The following FSTL5 variants were observed in gnomAD, a reference collection of about 807,000 sequenced individuals.
FSTL5 encodes the protein follistatin-related protein 5.
Under a neutral mutation model 89.1 loss-of-function variants are expected in FSTL5, and 62 were observed. The observed-to-expected ratio is 0.70, with a 90% confidence interval of 0.57 to 0.86. FSTL5 has a LOEUF of 0.86. Among genes scored for constraint, FSTL5 ranks in the 40% least tolerant of loss-of-function variants. The pLI is 0.00. For missense variants in FSTL5, 1,057 were observed against 1,001.6 expected (o/e 1.06, Z -0.75); for synonymous variants, 383 against 346.2 (o/e 1.11, Z -1.18).
intron 13 of FSTL5, among the ~76,000 whole-genome samples, chr4:161,463,497 A>T (rs544496375): frequency 6.6e-6 from 1 of 152,332 alleles, no homozygotes; most frequent in East Asian, 1.9e-4. Context: ...CCAAATGACT[A>T]TCTTCAGGAT....
At chr4:161,655,571 C>T (rs1736487296) in intron 7 of FSTL5, among the ~76,000 whole-genome samples, 1 of 151,950 alleles carries the variant, frequency 6.6e-6, no homozygotes, top group South Asian at 2.1e-4. Context: ...TTTTAAAATC[C>T]TTTCTTATTG....
At chr4:162,124,663 A>G (rs1731999272) in intron 1 of FSTL5, among the ~76,000 whole-genome samples, 1 of 152,134 alleles carries the variant, frequency 6.6e-6, no homozygotes. Context: ...GACTCTATCA[A>G]AACATACTCA....
chr4:162,103,792 G>T (rs529020507), intron 2 of FSTL5, among the ~76,000 whole-genome samples: 4 of 152,258 alleles, frequency 2.6e-5, no homozygotes, highest in African/African-American at 7.2e-5. Context: ...TTAAACAAGG[G>T]TCTTGCAACT....
chr4:161,990,128 C>T (rs1268432519), intron 3 of FSTL5, among the ~76,000 whole-genome samples: 2 of 152,210 alleles, frequency 1.3e-5, no homozygotes, highest in Non-Finnish European at 2.9e-5. Flanking sequence ...TGAGGTACTA[C>T]ACAGTTAGTG....
At chr4:162,075,841 T>C (rs1729816774) in intron 2 of FSTL5, among the ~76,000 whole-genome samples, 2 of 151,860 alleles carry the variant, frequency 1.3e-5, no homozygotes, top group African/African-American at 4.8e-5. Flanking sequence ...CTGTCACAAC[T>C]GTGTCAGTTG....
intron 2 of FSTL5, among the ~76,000 whole-genome samples, chr4:162,056,910 C>A (rs1738562802): frequency 6.6e-6 from 1 of 152,142 alleles, no homozygotes; most frequent in Non-Finnish European, 1.5e-5. Context: ...CAAATTCCAA[C>A]CTTAAACTAA....
intron 5 of FSTL5, among the ~76,000 whole-genome samples, chr4:161,769,806 A>G: frequency 6.6e-6 from 1 of 151,972 alleles, no homozygotes; most frequent in Non-Finnish European, 1.5e-5. Context: ...TGGAAGTCCT[A>G]GCTAGAGCAA....
At chr4:161,430,499 G>A (rs1360935401) in intron 15 of FSTL5, among the ~76,000 whole-genome samples, 5 of 152,294 alleles carry the variant, frequency 3.3e-5, no homozygotes, top group Non-Finnish European at 5.9e-5. Flanking sequence ...CCAGCACTTT[G>A]GGAGGCCGAA....
At chr4:162,152,976 G>T (rs1467545764) in intron 1 of FSTL5, among the ~76,000 whole-genome samples, 1 of 151,784 alleles carries the variant, frequency 6.6e-6, no homozygotes, top group Non-Finnish European at 1.5e-5. Flanking sequence ...CTTTTTTCAT[G>T]ATATGTGCCT....
intron 2 of FSTL5, among the ~76,000 whole-genome samples, chr4:162,094,839 A>G (rs1730686319): frequency 6.6e-6 from 1 of 152,190 alleles, no homozygotes; most frequent in South Asian, 2.1e-4. Flanking sequence ...CTAAATATGG[A>G]TTGAAGTATA....
At chr4:161,825,615 G>C (rs1421486687) in intron 4 of FSTL5, among the ~76,000 whole-genome samples, 1 of 152,036 alleles carries the variant, frequency 6.6e-6, no homozygotes, top group Non-Finnish European at 1.5e-5. Context: ...GTTTAATCTA[G>C]GAGGGTTGTA....
At chr4:161,434,166 T>G (rs574720097) in intron 15 of FSTL5, among the ~76,000 whole-genome samples, 1 of 152,078 alleles carries the variant, frequency 6.6e-6, no homozygotes, top group Non-Finnish European at 1.5e-5. Flanking sequence ...TACAGTGCTG[T>G]AGTAACCAAA....
chr4:161,608,395 A>G (rs761205371), intron 7 of FSTL5, among the ~76,000 whole-genome samples: 1 of 152,116 alleles, frequency 6.6e-6, no homozygotes, highest in Non-Finnish European at 1.5e-5. Flanking sequence ...TAAATTTAAG[A>G]TGTTCTGGAG....
chr4:161,527,683 T>C lies in FSTL5; in HGVS notation c.1312+10483A>G, dbSNP rs1731272576. Among the ~76,000 whole-genome samples, 4 of 151,656 alleles carry C rather than the reference T, an allele frequency of 2.6e-5. No homozygotes were observed. In the South Asian group the frequency reaches 8.3e-4, roughly 31 times the overall value. On this transcript the variant is annotated intron_variant, in intron 10 of 15. Coordinates refer to ENST00000306100, the MANE Select transcript of FSTL5 (RefSeq NM_020116.5). ...AGGATGTGGAGAAATAGGAACACTT[T>C]TACACTGTTGGTGGGACTGTAAACT...
chr4:162,153,690 AAT>A (rs72193623), intron 1 of FSTL5, among the ~76,000 whole-genome samples: 45 of 96,126 alleles, frequency 4.7e-4, no homozygotes, highest in African/African-American at 1.2e-3. Context: ...TGTATATAAT[AAT>A]ATATATGTAT....
At chr4:161,644,014 GCA>G (rs1053332556) in intron 7 of FSTL5, among the ~76,000 whole-genome samples, 1 of 152,022 alleles carries the variant, frequency 6.6e-6, no homozygotes, top group African/African-American at 2.4e-5. Flanking sequence ...AAGGTCCTTT[GCA>G]CAGAGTTTGT....
chr4:161,535,964 T>C (rs1258159041), intron 10 of FSTL5, among the ~76,000 whole-genome samples: 5 of 152,110 alleles, frequency 3.3e-5, no homozygotes, highest in African/African-American at 1.2e-4. Flanking sequence ...GAGGCCATTA[T>C]CGTAAGTGAA....
intron 8 of FSTL5, among the ~76,000 whole-genome samples, chr4:161,555,795 T>C (rs1732366368): frequency 1.3e-5 from 2 of 151,600 alleles, no homozygotes; most frequent in South Asian, 2.1e-4. Context: ...ACATGTTTTG[T>C]TGTTTTTGAA....
At chr4:162,004,194 G>A (rs189452454) in intron 3 of FSTL5, among the ~76,000 whole-genome samples, 8 of 152,194 alleles carry the variant, frequency 5.3e-5, no homozygotes, top group African/African-American at 1.7e-4. Context: ...ACCCCAAACT[G>A]TACTCGTGCT....
Sources: gnomAD v4.1 joint callset for allele counts (sites outside exome capture counted in the v4.1 genomes callset) on GRCh38, gnomAD v4.1.1 for gene constraint, MANE v1.5 for transcripts, NCBI Gene and HGNC (gene_info 2026-07-23, HGNC 2026-07-21) for gene names.